PRKD1: variants seen among roughly 807,000 people sequenced by gnomAD.
The protein encoded by PRKD1 is protein kinase D1.
Under a neutral mutation model 95.9 loss-of-function variants are expected in PRKD1, and 63 were observed. That is an observed-to-expected ratio of 0.66 (90% CI 0.54 to 0.81). PRKD1 has a LOEUF of 0.81. Ranked by LOEUF, PRKD1 falls within the 30% of genes least tolerant of loss-of-function variation. The probability of loss-of-function intolerance (pLI) is 0.00; values close to 1 mark genes in which losing one functional copy is unlikely to be tolerated. For missense variants in PRKD1, 1,048 were observed against 1,165.3 expected, an observed-to-expected ratio of 0.90 and a Z score of 1.47; for synonymous variants, 425 against 423.1, an observed-to-expected ratio of 1.00 and a Z score of -0.05.
intron 1 of PRKD1, among the ~76,000 whole-genome samples, chr14:29,839,541 C>A (rs1423922152): frequency 6.6e-6 from 1 of 152,080 alleles, no homozygotes; most frequent in East Asian, 1.9e-4. Flanking sequence ...GACGGTGGCC[C>A]TCTTCTCACA....
intron 1 of PRKD1, among the ~76,000 whole-genome samples, chr14:29,901,176 T>C (rs1190672114): frequency 1.3e-5 from 2 of 152,198 alleles, no homozygotes; most frequent in East Asian, 1.9e-4. Flanking sequence ...AATGGAATCA[T>C]GTCCTTTGCA....
At chr14:29,821,606 T>G (rs1391813813) in intron 1 of PRKD1, among the ~76,000 whole-genome samples, 1 of 152,160 alleles carries the variant, frequency 6.6e-6, no homozygotes, top group Admixed American at 6.6e-5. Context: ...AAAGGAAGCA[T>G]AATCAGGGAC....
chr14:29,780,144 G>A (rs950636875), intron 1 of PRKD1, among the ~76,000 whole-genome samples: 1 of 152,016 alleles, frequency 6.6e-6, no homozygotes, highest in Non-Finnish European at 1.5e-5. Flanking sequence ...AATTCAAGAT[G>A]GATTAAAGAC....
Position 29,680,250 on chromosome 14 carries a change from G to T in PRKD1, c.404-14042C>A, listed in dbSNP as rs534034044. Among the ~76,000 whole-genome samples, 4 of 152,286 alleles carry T rather than the reference G, an allele frequency of 2.6e-5. No individual in the cohort carries two copies. In the East Asian group the frequency reaches 7.7e-4, roughly 29 times the overall value. Reference sequence around the variant, plus strand: ...AAAAAATAATAACCCCCATTGTACTGTCCATACCACTAAAGTAAAGGACAT... The same window carrying T: ...AAAAAATAATAACCCCCATTGTACTTTCCATACCACTAAAGTAAAGGACAT... On this transcript the variant is annotated intron_variant, in intron 2 of 17. Transcript: ENST00000331968.
intron 16 of PRKD1, chr14:29,592,683 T>A (rs963059675): frequency 6.6e-6 from 1 of 152,030 alleles, no homozygotes; most frequent in Non-Finnish European, 1.5e-5. Context: ...TCCAGAACAA[T>A]CTCATTTAAT....
intron 1 of PRKD1, among the ~76,000 whole-genome samples, chr14:29,849,863 C>T (rs1325784189): frequency 6.6e-6 from 1 of 152,060 alleles, no homozygotes; most frequent in Non-Finnish European, 1.5e-5. Flanking sequence ...AGGATCTAGT[C>T]GACTTTATTC....
chr14:29,619,327 C>T (rs1879087851), intron 13 of PRKD1, among the ~76,000 whole-genome samples: 1 of 152,098 alleles, frequency 6.6e-6, no homozygotes, highest in Non-Finnish European at 1.5e-5. Context: ...CACACATAAT[C>T]CTTTTTAACT....
At chr14:29,666,016 T>C (rs552085877) in intron 3 of PRKD1, 61 bp downstream of exon 3, 155 of 1,479,040 alleles carry the variant, frequency 1.0e-4, no homozygotes, top group Non-Finnish European at 1.3e-4. Context: ...TTGTGAATTC[T>C]GCTGCGATAA....
At chr14:29,822,529 T>C (rs1890954645) in intron 1 of PRKD1, among the ~76,000 whole-genome samples, 1 of 152,182 alleles carries the variant, frequency 6.6e-6, no homozygotes, top group Non-Finnish European at 1.5e-5. Flanking sequence ...GATGACCTTA[T>C]TTTGAACCTC....
chr14:29,579,827 A>C (rs139187924), intron 16 of PRKD1, among the ~76,000 whole-genome samples: 14 of 152,320 alleles, frequency 9.2e-5, no homozygotes, highest in African/African-American at 2.6e-4. Flanking sequence ...TGCCTTACCT[A>C]GGATACCTGA....
chr14:29,754,816 T>C (rs966525883), intron 1 of PRKD1, among the ~76,000 whole-genome samples: 26 of 152,126 alleles, frequency 1.7e-4, no homozygotes, highest in African/African-American at 6.0e-4. Flanking sequence ...TGGAATTCTT[T>C]CATAAAATTT....
chr14:29,614,519 A>G (rs1878710866), intron 13 of PRKD1, among the ~76,000 whole-genome samples: 1 of 152,162 alleles, frequency 6.6e-6, no homozygotes, highest in South Asian at 2.1e-4. Context: ...TAAATAATGT[A>G]TTTCCAGTAA....
At chr14:29,703,329 C>T (rs185717442) in intron 2 of PRKD1, among the ~76,000 whole-genome samples, 5 of 152,270 alleles carry the variant, frequency 3.3e-5, no homozygotes, top group East Asian at 1.9e-4. Context: ...CTAAGCCCTG[C>T]GCTGCACAGG....
At chr14:29,914,377 A>G (rs1424909696) in intron 1 of PRKD1, among the ~76,000 whole-genome samples, 3 of 152,236 alleles carry the variant, frequency 2.0e-5, no homozygotes, top group Non-Finnish European at 2.9e-5. Context: ...AAAATAAGCA[A>G]GCAAACAAAC....
intron 1 of PRKD1, among the ~76,000 whole-genome samples, chr14:29,856,182 T>C (rs1892493737): frequency 6.6e-6 from 1 of 151,882 alleles, no homozygotes; most frequent in Non-Finnish European, 1.5e-5. Context: ...TGCTAGAAAA[T>C]CAAAAAATAG....
chr14:29,857,775 G>A (rs909150062), intron 1 of PRKD1, among the ~76,000 whole-genome samples: 3 of 152,136 alleles, frequency 2.0e-5, no homozygotes, highest in African/African-American at 7.2e-5. Flanking sequence ...GGGGAAACAG[G>A]GGAAGTCTAA....
intron 1 of PRKD1, among the ~76,000 whole-genome samples, chr14:29,852,535 G>GGAGAGA (rs34211278): frequency 0.011 from 1,625 of 149,206 alleles, 15 homozygotes; most frequent in African/African-American, 0.02. Context: ...ACCAGAAGGA[G>GGAGAGA]GAGAGAGAGA....
rs36087571 is a variant in PRKD1 at position 29,763,125 on chromosome 14, T to TAA, written c.265-37453_265-37452dup. On this transcript the variant is annotated intron_variant, in intron 1 of 17. Transcript: ENST00000331968. ...CACAGAAAAACCCTGTCTCTAAAAT[T>TAA]AAAAAAAAAAAAAAAAAAAAAAAAG... is the stretch of plus-strand genomic sequence containing the variant. Among the ~76,000 whole-genome samples the TAA allele has an allele frequency of 8.8e-3, 569 of 64,364 alleles. 2 individuals carry two copies. Among genetic ancestry groups the TAA allele is most frequent in the African/African-American group, 0.022 (326 of 15,022 alleles). 42.2% of individuals were successfully genotyped at this position (64,364 alleles called of 152,430 possible).
Position 29,922,118 on chromosome 14 carries a change from G to A in PRKD1, c.264+5131C>T, listed in dbSNP as rs565639484. Among the ~76,000 whole-genome samples the A allele has an allele frequency of 5.9e-5, 9 of 152,034 alleles. 1 individual carries two copies. The highest frequency in any genetic ancestry group is 2.1e-4 in the South Asian group (1 of 4,812). The stretch of plus-strand genomic sequence containing the variant: ...AGATCGAGACCATCCTGGATAACAC[G>A]GTGAAACCCCATCTCTACTAAAAAT... On this transcript the variant is annotated intron_variant, in intron 1 of 17. Transcript: ENST00000331968.
Sources: allele counts gnomAD v4.1 joint callset (sites outside exome capture counted in the v4.1 genomes callset), GRCh38; gene constraint gnomAD v4.1.1; transcripts MANE v1.5; gene names NCBI Gene and HGNC (gene_info 2026-07-23, HGNC 2026-07-21).